Variants in YJEFN3 observed in about 807,000 individuals in gnomAD.
YJEFN3 encodes the protein YjeF N-terminal domain containing 3, also known as yjeF N-terminal domain-containing protein 3.
A neutral mutation model predicts 31.5 loss-of-function variants in YJEFN3; 29 were observed. The observed-to-expected ratio is 0.92, with a 90% CI of 0.69 to 1.26. YJEFN3 has a LOEUF of 1.26. YJEFN3 is among the 50% of genes most tolerant of loss of function. The probability of loss-of-function intolerance (pLI) is 0.00; values close to 1 mark genes in which losing one functional copy is unlikely to be tolerated. For synonymous variants in YJEFN3, 227 were observed against 196.1 expected, an observed-to-expected ratio of 1.16 and a Z score of -1.32; for missense variants, 442 against 425.4, an observed-to-expected ratio of 1.04 and a Z score of -0.34.
intron 6 of YJEFN3, chr19:19,536,081 G>T: frequency 2.0e-6 from 1 of 490,886 alleles, no homozygotes; most frequent in African/African-American, 2.0e-5. Flanking sequence ...CTGGACTCCG[G>T]GGGATGTCCC....
intron 6 of YJEFN3, 125 bp downstream of exon 6, chr19:19,535,804 T>A: frequency 7.9e-7 from 1 of 1,273,698 alleles, no homozygotes; most frequent in Non-Finnish European, 1.1e-6. Context: ...GACCCACACT[T>A]GGCTGAGGCT....
chr19:19,533,297 T>G, intron 3 of YJEFN3: 1 of 985,824 alleles, frequency 1.0e-6, no homozygotes, highest in Non-Finnish European at 1.2e-6. Context: ...GTGCTGGGCA[T>G]CAGTTTCCTC....
Position 19,535,423 on chromosome 19 carries a change from C to T in YJEFN3, c.516C>T (p.Ile172=). 1 of 1,614,042 alleles carries T rather than the reference C, an allele frequency of 6.2e-7. No homozygotes were observed. The highest frequency in any genetic ancestry group is 2.2e-5 in the East Asian group (1 of 44,870). The change falls in exon 5 of 7, where the codon ATC becomes ATT. Residue 172 remains isoleucine (I), a synonymous_variant. Coordinates refer to ENST00000514277, the MANE Select transcript of YJEFN3 (RefSeq NM_198537.4). ...DLTTQCEKMD[I]PFLSYLPTEV... ...CCACCCAGTGCGAGAAGATGGACATCCCCTTCCTGAGCTACCTGCCCACTG... is the reference window on the plus strand; with the variant it reads ...CCACCCAGTGCGAGAAGATGGACATTCCCTTCCTGAGCTACCTGCCCACTG...
At chr19:19,533,383 G>C in intron 3 of YJEFN3, 3 of 985,950 alleles carry the variant, frequency 3.0e-6, no homozygotes, top group South Asian at 4.7e-5. Flanking sequence ...CCATACAGTC[G>C]AGGCTCTAGC....
At chr19:19,535,732 C>A in intron 6 of YJEFN3, 53 bp downstream of exon 6, 1 of 1,535,584 alleles carries the variant, frequency 6.5e-7, no homozygotes, top group Non-Finnish European at 8.7e-7. Context: ...GGGTGGAGGC[C>A]CCTGTGCCCC....
At position 19,535,162 on chromosome 19, in the gene YJEFN3, C is replaced by T; in HGVS notation, c.429+18C>T. On this transcript the variant is annotated intron_variant, in intron 4 of 6. Transcript: ENST00000514277. ...GGGTGTTTGTAAGTAGCAAGGACCC[C>T]TTCGACCTCCCAAAGTCCCTGCCCC... The T allele has an allele frequency of 6.3e-7, 1 of 1,581,196 alleles. No individual in the cohort carries two copies. The highest frequency in any genetic ancestry group is 1.2e-5 in the South Asian group (1 of 86,942).
chr19:19,535,216 C>A, intron 4 of YJEFN3, 72 bp downstream of exon 4: 1 of 1,515,324 alleles, frequency 6.6e-7, no homozygotes. Context: ...CTTTTGATAG[C>A]TTCCCAGGGG....
Position 19,537,462 on chromosome 19 carries a change from C to A in YJEFN3, c.838C>A (p.Arg280Ser). Reference sequence around the variant, plus strand: ...CGGCAGGTTCGTGCCCGATGACGTGCGCCGCAAGTTCGCTCTGCGCCTGCC... The same window carrying A: ...CGGCAGGTTCGTGCCCGATGACGTGAGCCGCAAGTTCGCTCTGCGCCTGCC... ...VAGRFVPDDV[R>S]RKFALRLPGY... is the part of the protein sequence containing the mutation. The change falls in exon 7 of 7, where the codon CGC (arginine) becomes AGC (serine). Residue 280 changes from arginine to serine, a missense_variant. Arg to Ser is a moderately radical substitution (Grantham distance 110). Coordinates refer to ENST00000514277, the MANE Select transcript of YJEFN3 (RefSeq NM_198537.4). The A allele has an allele frequency of 6.3e-7, 1 of 1,587,308 alleles. No homozygotes were observed. Among genetic ancestry groups the A allele is most frequent in the Non-Finnish European group, 8.5e-7 (1 of 1,172,964 alleles).
chr19:19,532,737 C>A lies in YJEFN3; in HGVS notation c.315C>A (p.Thr105=). Residue 105 remains threonine, a synonymous_variant, in exon 3 of 7, where the codon ACC becomes ACA. Coordinates refer to ENST00000514277, the MANE Select transcript of YJEFN3 (RefSeq NM_198537.4). ...GTCATGCTAGTGCCGTGGCTGTGAC[C>A]AAGGTACCTGACCCCTGACCCCCAA... The part of the protein sequence containing the change: ...LCGHASAVAV[T]KAFPLPALSR... 6.4e-7 allele frequency: 1 copy of A among 1,564,190 alleles called. No individual in the cohort carries two copies. The highest frequency in any genetic ancestry group is 8.6e-7 in the Non-Finnish European group (1 of 1,160,158).
At position 19,533,450 on chromosome 19, in the gene YJEFN3, T is replaced by C. The variant is rs544271886; in HGVS notation, c.318+710T>C. On this transcript the variant is annotated intron_variant, in intron 3 of 6. Coordinates refer to ENST00000514277, the MANE Select transcript of YJEFN3 (RefSeq NM_198537.4). ...TCATCCCCCTCGCCTTTCTCCTCCTTCCTCCTCCTCCTGCCCCCTCCTCTT... is the reference window on the plus strand; with the variant it reads ...TCATCCCCCTCGCCTTTCTCCTCCTCCCTCCTCCTCCTGCCCCCTCCTCTT... The C allele has an allele frequency of 4.6e-5, 44 of 949,168 alleles. No individual in the cohort carries two copies. The African/African-American group carries it at 6.6e-4, about 14-fold the overall frequency. The allele number at this position is 949,168 out of a possible 1,614,324, so 58.8% of individuals were successfully genotyped here. A position where few individuals can be genotyped will look rare whatever the true frequency, so the allele number is the denominator to read the frequency against.
At position 19,534,537 on chromosome 19, in the gene YJEFN3, CAG is replaced by C; in HGVS notation, c.319-491_319-490del. The C allele has an allele frequency of 1.3e-5, 2 of 152,610 alleles. No homozygotes were observed. Among genetic ancestry groups the C allele is most frequent in the East Asian group, 3.9e-4 (2 of 5,170 alleles). 9.5% of individuals were successfully genotyped at this position (152,610 alleles called of 1,614,324 possible). On this transcript the variant is annotated intron_variant, in intron 3 of 6. Coordinates refer to ENST00000514277, the MANE Select transcript of YJEFN3 (RefSeq NM_198537.4). This position sits in a 1 kb window ranked among gnomAD's most constrained non-coding sequence, Gnocchi z 4.6. ...AGACATGAAGAGAGCCAGAGACATA[CAG>C]AGAGACAGAGACACACAGAGAGACA...
intron 2 of YJEFN3, among the ~76,000 whole-genome samples, chr19:19,531,235 C>T (rs2061152954): frequency 6.6e-6 from 1 of 152,210 alleles, no homozygotes; most frequent in Non-Finnish European, 1.5e-5. Context: ...AAAACATCCA[C>T]CATCTGTAGG....
intron 3 of YJEFN3, chr19:19,533,602 C>T (rs2061179610): frequency 2.2e-6 from 2 of 916,626 alleles, no homozygotes; most frequent in South Asian, 1.0e-4. Context: ...ACCCTACCTC[C>T]TCCCCATCCT....
At chr19:19,533,195 G>A in intron 3 of YJEFN3, 1 of 994,756 alleles carries the variant, frequency 1.0e-6, no homozygotes, top group Non-Finnish European at 1.2e-6. Flanking sequence ...GTCTGGCTCT[G>A]GAGTAAACCC....
intron 5 of YJEFN3, 37 bp downstream of exon 5, chr19:19,535,487 G>A (rs776480064): frequency 8.7e-6 from 14 of 1,613,338 alleles, no homozygotes; most frequent in Non-Finnish European, 1.2e-5. Context: ...GACATGGTGT[G>A]CAGTGGCCCT....
intron 3 of YJEFN3, chr19:19,533,543 C>T (rs1326145045): frequency 6.7e-6 from 5 of 740,798 alleles, no homozygotes; most frequent in Non-Finnish European, 8.2e-6. Context: ...TTTCTCCTTC[C>T]TCTCCCTCCT....
At chr19:19,530,825 G>A (rs1320945118) in intron 2 of YJEFN3, among the ~76,000 whole-genome samples, 3 of 152,120 alleles carry the variant, frequency 2.0e-5, no homozygotes, top group African/African-American at 7.2e-5. Flanking sequence ...TGTTTACTGG[G>A]GTGTCCCAGG....
chr19:19,536,604 G>A (rs1218941207), intron 6 of YJEFN3, among the ~76,000 whole-genome samples: 1 of 152,066 alleles, frequency 6.6e-6, no homozygotes, highest in Non-Finnish European at 1.5e-5. Context: ...GCTTGAACCC[G>A]GGAGGCAGAG....
At chr19:19,533,447 C>T in intron 3 of YJEFN3, 1 of 976,994 alleles carries the variant, frequency 1.0e-6, no homozygotes, top group Non-Finnish European at 1.2e-6. Flanking sequence ...CCTTTCTCCT[C>T]CTTCCTCCTC....
Sources: gnomAD v4.1 joint callset for allele counts (sites outside exome capture counted in the v4.1 genomes callset) on GRCh38, gnomAD v4.1.1 for gene constraint, Gnocchi (gnomAD v3.1) non-coding constraint, MANE v1.5 for transcripts, NCBI Gene and HGNC (gene_info 2026-07-23, HGNC 2026-07-21) for gene names.